The following AGBL4 variants were observed in gnomAD, a reference collection of about 807,000 sequenced individuals.
AGBL4 encodes the protein cytosolic carboxypeptidase 6.
A neutral mutation model predicts 66.4 loss-of-function variants in AGBL4; 58 were observed. The observed-to-expected ratio is 0.87, with a 90% CI of 0.71 to 1.09. The LOEUF (loss-of-function observed/expected upper bound fraction) is 1.09, where lower values mean the gene tolerates loss of function less well. Ranked by LOEUF, AGBL4 falls within the 50% of genes least tolerant of loss-of-function variation. The pLI, the probability that AGBL4 is intolerant of heterozygous loss-of-function variation, is 0.00. For missense variants in AGBL4, 579 were observed against 631.0 expected (o/e 0.92, Z 0.88); for synonymous variants, 234 against 222.9 (o/e 1.05, Z -0.44).
chr1:48,695,350 G>A (rs1646698349), intron 6 of AGBL4, among the ~76,000 whole-genome samples: 1 of 152,166 alleles, frequency 6.6e-6, no homozygotes, highest in Non-Finnish European at 1.5e-5. Context: ...ACAAGCTGAT[G>A]TTTTCAATTT....
chr1:49,006,116 G>A (rs1447655094), intron 5 of AGBL4, among the ~76,000 whole-genome samples: 4 of 152,160 alleles, frequency 2.6e-5, no homozygotes, highest in Non-Finnish European at 5.9e-5. Context: ...CTGAGGTACC[G>A]GGTTCATCTC....
rs1219541710 is a variant in AGBL4 at position 49,408,282 on chromosome 1, G to A, written c.283-162418C>T. The stretch of plus-strand genomic sequence containing the variant: ...TAAGCAAGAAAGAAAAAATGCATGT[G>A]ATAACACTGTTATTTTTTAAATACC... On this transcript the variant is annotated intron_variant, in intron 3 of 13. Coordinates refer to ENST00000371839, the MANE Select transcript of AGBL4 (RefSeq NM_032785.4). 3.3e-5 allele frequency among the ~76,000 whole-genome samples: 5 copies of A among 152,288 alleles called. No homozygotes were observed. In the South Asian group the frequency reaches 6.2e-4, roughly 19 times the overall value.
At chr1:49,272,479 T>C (rs1436349132) in intron 3 of AGBL4, among the ~76,000 whole-genome samples, 2 of 152,220 alleles carry the variant, frequency 1.3e-5, no homozygotes, top group African/African-American at 4.8e-5. Context: ...TATGATTTTA[T>C]GTTACCTTGA....
At chr1:49,547,765 G>A (rs976019835) in intron 3 of AGBL4, among the ~76,000 whole-genome samples, 2 of 151,638 alleles carry the variant, frequency 1.3e-5, no homozygotes, top group African/African-American at 4.8e-5. Flanking sequence ...TATTGTAAAA[G>A]GGGTTGAGTC....
intron 1 of AGBL4, among the ~76,000 whole-genome samples, chr1:49,902,252 G>C (rs1262344914): frequency 6.6e-6 from 1 of 152,034 alleles, no homozygotes; most frequent in African/African-American, 2.4e-5. Context: ...AGAGAACCTA[G>C]AGAATGGAAG....
intron 2 of AGBL4, among the ~76,000 whole-genome samples, chr1:49,699,811 G>T (rs1166154413): frequency 6.6e-6 from 1 of 151,844 alleles, no homozygotes; most frequent in African/African-American, 2.4e-5. Context: ...ACTAAACCTA[G>T]AGATCATGTA....
At chr1:49,851,988 C>T (rs1489518327) in intron 1 of AGBL4, among the ~76,000 whole-genome samples, 4 of 152,058 alleles carry the variant, frequency 2.6e-5, no homozygotes, top group African/African-American at 9.7e-5. Flanking sequence ...TTATGACTTC[C>T]AGATGCTCCA....
At chr1:49,117,846 C>G (rs1451554280) in intron 4 of AGBL4, among the ~76,000 whole-genome samples, 1 of 152,164 alleles carries the variant, frequency 6.6e-6, no homozygotes, top group Non-Finnish European at 1.5e-5. Flanking sequence ...TTCTTCCTAT[C>G]CATGAGCATG....
chr1:48,866,329 C>T (rs1648081190), intron 6 of AGBL4, among the ~76,000 whole-genome samples: 1 of 152,260 alleles, frequency 6.6e-6, no homozygotes, highest in South Asian at 2.1e-4. Flanking sequence ...TCCCCTGAGA[C>T]CCACAAACCT....
At chr1:49,129,834 T>A (rs998076451) in intron 4 of AGBL4, among the ~76,000 whole-genome samples, 1 of 152,162 alleles carries the variant, frequency 6.6e-6, no homozygotes, top group Non-Finnish European at 1.5e-5. Context: ...TACCCAGTAA[T>A]GGGATGGCTG....
intron 3 of AGBL4, among the ~76,000 whole-genome samples, chr1:49,533,923 G>A (rs1019212926): frequency 2.6e-5 from 4 of 152,010 alleles, no homozygotes; most frequent in Non-Finnish European, 5.9e-5. Context: ...GCTGCAGGTT[G>A]GGCATAGATT....
intron 2 of AGBL4, among the ~76,000 whole-genome samples, chr1:49,830,311 C>A (rs1343187670): frequency 6.6e-6 from 1 of 151,572 alleles, no homozygotes; most frequent in South Asian, 2.1e-4. Flanking sequence ...ACCATTCTAA[C>A]TGCCATGATG....
At chr1:49,852,143 A>T (rs1434912080) in intron 1 of AGBL4, among the ~76,000 whole-genome samples, 1 of 152,096 alleles carries the variant, frequency 6.6e-6, no homozygotes, top group Non-Finnish European at 1.5e-5. Context: ...AACAACAACA[A>T]ATATCTCAAT....
chr1:48,929,299 C>G (rs933640323), intron 5 of AGBL4, among the ~76,000 whole-genome samples: 5 of 152,154 alleles, frequency 3.3e-5, no homozygotes, highest in Non-Finnish European at 7.4e-5. Flanking sequence ...TCTCAAGTCT[C>G]ATCCTCCCCT....
chr1:49,735,809 A>G (rs1435314373), intron 2 of AGBL4, among the ~76,000 whole-genome samples: 4 of 152,174 alleles, frequency 2.6e-5, no homozygotes, highest in African/African-American at 9.6e-5. Context: ...TTCAAAAGAC[A>G]GTACTATGAG....
intron 5 of AGBL4, among the ~76,000 whole-genome samples, chr1:48,942,276 C>T (rs1005095645): frequency 6.6e-6 from 1 of 150,556 alleles, no homozygotes. Context: ...TTCCTCCAAT[C>T]GTCTACTTAG....
intron 5 of AGBL4, among the ~76,000 whole-genome samples, chr1:48,947,831 A>AT (rs141081852): frequency 1.7e-4 from 26 of 149,358 alleles, no homozygotes; most frequent in South Asian, 1.5e-3. Context: ...TGTCCTTTAA[A>AT]TTTTTTTTTT....
rs747171477 is a variant in AGBL4, at chr1:48,555,356, T to C, written c.1268-15618A>G. Among the ~76,000 whole-genome samples the C allele has an allele frequency of 5.5e-4, 84 of 151,986 alleles. 1 individual carries two copies. Among genetic ancestry groups the C allele is most frequent in the Admixed American group, 1.3e-3 (20 of 15,256 alleles). ...GAAAGGCAGTAAACCAACCAACAAA[T>C]ACAGTATAAGATTGAAATCCAGGTG... On this transcript the variant is annotated intron_variant, in intron 11 of 13. Coordinates refer to ENST00000371839, the MANE Select transcript of AGBL4 (RefSeq NM_032785.4).
chr1:49,656,266 T>C (rs1387174376), intron 3 of AGBL4, among the ~76,000 whole-genome samples: 1 of 151,862 alleles, frequency 6.6e-6, no homozygotes, highest in Non-Finnish European at 1.5e-5. Flanking sequence ...AAGAAATGGA[T>C]AAATTCCTCG....
Sources: gnomAD v4.1 joint callset for allele counts (sites outside exome capture counted in the v4.1 genomes callset) on GRCh38, gnomAD v4.1.1 for gene constraint, MANE v1.5 for transcripts, NCBI Gene and HGNC (gene_info 2026-07-23, HGNC 2026-07-21) for gene names.